Variants in NACC2 observed in about 807,000 individuals in gnomAD.
NACC2 encodes the protein NACC family member 2.
NACC2 carries 8 observed loss-of-function variants against 25.1 expected under a neutral mutation model. That is an observed-to-expected ratio of 0.32 (90% CI 0.19 to 0.57). The LOEUF is 0.57. Ranked by LOEUF, NACC2 falls within the 20% of genes least tolerant of loss-of-function variation. The probability of loss-of-function intolerance (pLI) is 0.89; values close to 1 mark genes in which losing one functional copy is unlikely to be tolerated. For synonymous variants in NACC2, 435 were observed against 294.7 expected (o/e 1.48, Z -4.88); for missense variants, 644 against 650.2 (o/e 0.99, Z 0.10).
At chr9:136,062,035 G>A (rs553377019) in intron 1 of NACC2, among the ~76,000 whole-genome samples, 40 of 152,124 alleles carry the variant, frequency 2.6e-4, no homozygotes, top group African/African-American at 7.7e-4. Context: ...CAGGAGAATC[G>A]CTTGAACTGG....
chr9:136,044,809 G>A (rs1372885237), intron 2 of NACC2, among the ~76,000 whole-genome samples: 1 of 152,222 alleles, frequency 6.6e-6, no homozygotes, highest in Non-Finnish European at 1.5e-5. Context: ...GGTAATGGTG[G>A]GGGGTGAGTG....
intron 1 of NACC2, among the ~76,000 whole-genome samples, chr9:136,075,474 C>T (rs1248532858): frequency 2.0e-5 from 3 of 152,264 alleles, no homozygotes; most frequent in African/African-American, 4.8e-5. Flanking sequence ...GCAGCGGCTC[C>T]GTGTGAACCT....
At chr9:136,047,367 T>C (rs1840746366) in intron 2 of NACC2, among the ~76,000 whole-genome samples, 1 of 152,102 alleles carries the variant, frequency 6.6e-6, no homozygotes, top group Non-Finnish European at 1.5e-5. Flanking sequence ...AACCAAGAAA[T>C]CACACACCCC....
chr9:136,072,134 A>G (rs1381004078), intron 1 of NACC2, among the ~76,000 whole-genome samples: 1 of 152,140 alleles, frequency 6.6e-6, no homozygotes, highest in Non-Finnish European at 1.5e-5. Flanking sequence ...GCCACTCGGG[A>G]GGCTGAGGCA....
chr9:136,084,936 G>A lies in NACC2; in HGVS notation c.-60+10253C>T, dbSNP rs996293727. Among the ~76,000 whole-genome samples, 2 of 152,176 alleles carry A rather than the reference G, an allele frequency of 1.3e-5. No individual in the cohort carries two copies. The highest frequency in any genetic ancestry group is 2.9e-5 in the Non-Finnish European group (2 of 68,026). On this transcript the variant is annotated intron_variant, in intron 1 of 5. Coordinates refer to ENST00000277554, the MANE Select transcript of NACC2 (RefSeq NM_144653.5). The surrounding 1 kb of genome is among the most constrained non-coding windows in gnomAD (Gnocchi z 5.1). Reference sequence around the variant, plus strand: ...CCTGCCAGGGGCTGGGGCAAGGATGGGGAGTTTGTGTCTAATGGGGAAAGG... The same window carrying A: ...CCTGCCAGGGGCTGGGGCAAGGATGAGGAGTTTGTGTCTAATGGGGAAAGG...
intron 1 of NACC2, among the ~76,000 whole-genome samples, chr9:136,092,022 G>C (rs928868654): frequency 6.6e-6 from 1 of 152,306 alleles, no homozygotes; most frequent in South Asian, 2.1e-4. Context: ...AGGCTGAAAG[G>C]GAAACGAGAT....
Position 136,011,893 on chromosome 9 carries a change from C to T in NACC2, c.1387G>A (p.Val463Met), listed in dbSNP as rs555305438. 23 of 1,577,986 alleles carry T rather than the reference C, an allele frequency of 1.5e-5. No homozygotes were observed. The highest frequency in any genetic ancestry group is 7.2e-5 in the Admixed American group (4 of 55,254). The change falls in exon 6 of 6, where the codon GTG becomes ATG. Residue 463 changes from valine to methionine, a missense_variant. By Grantham distance (21) the Val-to-Met change is conservative (BLOSUM62 1). Transcript: ENST00000277554. ...PKIKSMLPEG[V>M]EMYRTVMGSA... ...CCCATGACCGTGCGGTACATCTCCACGCCCTCCGGCAGCATGGACTTGATC... is the reference window on the plus strand; with the variant it reads ...CCCATGACCGTGCGGTACATCTCCATGCCCTCCGGCAGCATGGACTTGATC...
intron 2 of NACC2, among the ~76,000 whole-genome samples, chr9:136,040,038 A>G (rs1840604924): frequency 6.6e-6 from 1 of 152,186 alleles, no homozygotes; most frequent in South Asian, 2.1e-4. Context: ...TACAAGGTCA[A>G]CATACAAAGA....
rs2131139889 is a variant in NACC2, at chr9:136,022,887, A to C, written c.887-6458T>G. 6.9e-6 allele frequency among the ~76,000 whole-genome samples: 1 copy of C among 144,320 alleles called. No homozygotes were observed. The highest frequency in any genetic ancestry group is 2.7e-5 in the African/African-American group (1 of 37,596). 94.7% of individuals were successfully genotyped at this position (144,320 alleles called of 152,430 possible). On this transcript the variant is annotated intron_variant, in intron 2 of 5. Transcript: ENST00000277554. The surrounding 1 kb of genome is among the most constrained non-coding windows in gnomAD (Gnocchi z 4.4). ...GCCATAACTGGGAAGGCAAACCATC[A>C]CCAATTACCACGCCATGCCACGCCA...
intron 2 of NACC2, among the ~76,000 whole-genome samples, chr9:136,024,657 G>A (rs1252427267): frequency 6.6e-6 from 1 of 152,172 alleles, no homozygotes; most frequent in Non-Finnish European, 1.5e-5. Context: ...CTTTAAGACA[G>A]TGAACACACA....
intron 1 of NACC2, among the ~76,000 whole-genome samples, chr9:136,081,833 G>A (rs1830327471): frequency 6.6e-6 from 1 of 152,130 alleles, no homozygotes; most frequent in Non-Finnish European, 1.5e-5. Context: ...CCAGGCTGAG[G>A]GCAAGGCGGG....
chr9:136,063,888 AAAAAAAAAAC>A (rs1841046618), intron 1 of NACC2, among the ~76,000 whole-genome samples: 3 of 151,878 alleles, frequency 2.0e-5, no homozygotes, highest in Non-Finnish European at 4.4e-5. Context: ...CATCTCAAAA[AAAAAAAAAAC>A]AAAAAAAACA....
intron 2 of NACC2, among the ~76,000 whole-genome samples, chr9:136,045,807 T>A (rs1840713993): frequency 6.6e-6 from 1 of 152,116 alleles, no homozygotes; most frequent in East Asian, 1.9e-4. Context: ...GCCATGACCG[T>A]CTCGGCTGTT....
Position 136,019,543 on chromosome 9 carries a change from T to C in NACC2, c.887-3114A>G, listed in dbSNP as rs1840256171. The C allele has an allele frequency of 6.6e-6, 1 of 152,242 alleles. No homozygotes were observed. Among genetic ancestry groups the C allele is most frequent in the Admixed American group, 6.5e-5 (1 of 15,282 alleles). The allele number at this position is 152,242 out of a possible 1,614,324, so 9.4% of individuals were successfully genotyped here. ...ACGGTGCCCTCCAAACCTCTCAGCA[T>C]GGTGACATCTGGGAACAGCTCATAA... On this transcript the variant is annotated intron_variant, in intron 2 of 5. Transcript: ENST00000277554. This position sits in a 1 kb window ranked among gnomAD's most constrained non-coding sequence, Gnocchi z 5.2.
At chr9:136,089,360 AC>A (rs1190266068) in intron 1 of NACC2, among the ~76,000 whole-genome samples, 2 of 151,068 alleles carry the variant, frequency 1.3e-5, no homozygotes, top group East Asian at 3.9e-4. Flanking sequence ...CCCCACAGCC[AC>A]CCCCCTTGCT....
intron 2 of NACC2, among the ~76,000 whole-genome samples, chr9:136,024,207 A>AGT (rs200789223): frequency 1.1e-5 from 1 of 88,848 alleles, no homozygotes; most frequent in African/African-American, 5.1e-5. Context: ...GTGAGGACAG[A>AGT]GTGTGTGTGT....
intron 2 of NACC2, among the ~76,000 whole-genome samples, chr9:136,017,840 C>T (rs542891969): frequency 6.6e-5 from 10 of 152,322 alleles, no homozygotes; most frequent in Non-Finnish European, 1.3e-4. Context: ...CTCCTGCACA[C>T]CCTACCGAGC....
intron 1 of NACC2, among the ~76,000 whole-genome samples, chr9:136,074,341 T>TA (rs1830233166): frequency 6.9e-6 from 1 of 144,184 alleles, no homozygotes; most frequent in Non-Finnish European, 1.5e-5. Context: ...TAGTCCCAGC[T>TA]ACTCGGGAGG....
chr9:136,050,230 G>C lies in NACC2; in HGVS notation c.292C>G (p.Leu98Val), dbSNP rs1246982692. The change falls in exon 2 of 6, where the codon CTC (leucine) becomes GTC (valine). Residue 98 changes from leucine (L) to valine (V), a missense_variant. Physicochemically the swap from Leu to Val is conservative, Grantham distance 32 (BLOSUM62 1). Transcript: ENST00000277554. The part of the protein sequence containing the change: ...GRLTMTASEQ[L>V]VVMYTAGFLQ... Reference sequence around the variant, plus strand: ...AAGCCGGCCGTGTACATGACCACGAGCTGCTCGCTGGCCGTCATGGTGAGC... The same window carrying C: ...AAGCCGGCCGTGTACATGACCACGACCTGCTCGCTGGCCGTCATGGTGAGC... 7.8e-6 allele frequency: 6 copies of C among 772,316 alleles called. No individual in the cohort carries two copies. The highest frequency in any genetic ancestry group is 3.4e-5 in the Admixed American group (2 of 58,494). 47.8% of individuals were successfully genotyped at this position (772,316 alleles called of 1,614,324 possible). A position where few individuals can be genotyped will look rare whatever the true frequency, so the allele number is the denominator to read the frequency against.
Sources: allele counts gnomAD v4.1 joint callset (sites outside exome capture counted in the v4.1 genomes callset), GRCh38; gene constraint gnomAD v4.1.1; non-coding constraint Gnocchi (gnomAD v3.1); transcripts MANE v1.5; gene names NCBI Gene and HGNC (gene_info 2026-07-23, HGNC 2026-07-21).